The following GGA2 variants were observed in gnomAD, a reference collection of about 807,000 sequenced individuals.
GGA2 encodes ADP-ribosylation factor-binding protein GGA2.
GGA2 carries 48 observed loss-of-function variants against 79.5 expected under a neutral mutation model. The observed-to-expected ratio is 0.60, with a 90% CI of 0.48 to 0.77. GGA2 has a LOEUF of 0.77. Among genes scored for constraint, GGA2 ranks in the 30% least tolerant of loss-of-function variants. The pLI, the probability that GGA2 is intolerant of heterozygous loss-of-function variation, is 0.00. For missense variants in GGA2, 770 were observed against 774.0 expected, an observed-to-expected ratio of 0.99 and a Z score of 0.06; for synonymous variants, 317 against 302.0, an observed-to-expected ratio of 1.05 and a Z score of -0.51.
chr16:23,490,950 C>T (rs768423459), intron 5 of GGA2, among the ~76,000 whole-genome samples: 67 of 152,176 alleles, frequency 4.4e-4, no homozygotes, highest in Admixed American at 3.1e-3. Flanking sequence ...TGGTGGCTCA[C>T]GCCTGGGAGG....
chr16:23,494,155 A>C, intron 3 of GGA2, 148 bp downstream of exon 3: 1 of 645,188 alleles, frequency 1.5e-6, no homozygotes, highest in South Asian at 1.8e-5. Context: ...CCTGGCCCAG[A>C]TCTCCCTCCT....
intron 14 of GGA2, among the ~76,000 whole-genome samples, chr16:23,472,148 T>C (rs974523843): frequency 4.7e-5 from 7 of 149,332 alleles, no homozygotes; most frequent in African/African-American, 1.7e-4. Context: ...ATGTTCTTTG[T>C]AGCCCTGGCA....
chr16:23,486,605 C>T, intron 7 of GGA2, 105 bp downstream of exon 7: 1 of 782,206 alleles, frequency 1.3e-6, no homozygotes. Flanking sequence ...GCCACTCTTT[C>T]TCCCAGGCAA....
chr16:23,491,329 A>AC (rs71154215), intron 5 of GGA2, among the ~76,000 whole-genome samples: 4 of 149,530 alleles, frequency 2.7e-5, no homozygotes, highest in Admixed American at 6.7e-5. Flanking sequence ...AAAAAAAAAA[A>AC]CCAAAAGGTT....
chr16:23,480,877 GT>G, intron 9 of GGA2, 107 bp from the exon 10 acceptor site: 1 of 1,055,292 alleles, frequency 9.5e-7, no homozygotes, highest in Non-Finnish European at 1.4e-6. Context: ...ACTATGTTCA[GT>G]TTATCCACAC....
intron 7 of GGA2, among the ~76,000 whole-genome samples, chr16:23,486,490 G>A (rs1964714580): frequency 1.3e-5 from 2 of 152,178 alleles, no homozygotes. Flanking sequence ...TGAGCAGCAT[G>A]GATGAAAGCA....
chr16:23,514,091 G>A (rs909554921), upstream of GGA2, among the ~76,000 whole-genome samples: 1 of 151,832 alleles, frequency 6.6e-6, no homozygotes, highest in Non-Finnish European at 1.5e-5. Context: ...AAGCTCCCAT[G>A]TCAACATAAA....
chr16:23,508,469 T>C (rs942874623), intron 1 of GGA2, among the ~76,000 whole-genome samples: 1 of 152,180 alleles, frequency 6.6e-6, no homozygotes, highest in Non-Finnish European at 1.5e-5. Flanking sequence ...AAATAACTGG[T>C]TGGTTACCAA....
At chr16:23,491,433 A>G (rs190585536) in intron 5 of GGA2, among the ~76,000 whole-genome samples, 1 of 151,306 alleles carries the variant, frequency 6.6e-6, no homozygotes, top group East Asian at 2.0e-4. Flanking sequence ...GTGGTTTCCT[A>G]TGATTTCCAG....
chr16:23,511,451 G>A (rs180961600), upstream of GGA2, among the ~76,000 whole-genome samples: 55 of 150,926 alleles, frequency 3.6e-4, no homozygotes, highest in African/African-American at 1.3e-3. Context: ...GAGCCACCAC[G>A]CCCGGCCTAT....
rs1410632627 is a variant in GGA2, at chr16:23,463,643, A to G, written c.*3947T>C. 1.3e-5 allele frequency: 2 copies of G among 152,246 alleles called. No homozygotes were observed. Among genetic ancestry groups the G allele is most frequent in the East Asian group, 3.9e-4 (2 of 5,194 alleles). 9.4% of individuals were successfully genotyped at this position (152,246 alleles called of 1,614,324 possible). On this transcript the variant is annotated 3_prime_UTR_variant, in exon 17 of 17. Transcript: ENST00000309859. ...CTGACCCAAAGATTACCACTGTCAG[A>G]TGTGCACACAAACATCTTGGTGCAT...
Position 23,477,020 on chromosome 16 carries a change from T to A in GGA2, c.1292+1348A>T, listed in dbSNP as rs773493534. 7.2e-5 allele frequency among the ~76,000 whole-genome samples: 11 copies of A among 152,308 alleles called. No individual in the cohort carries two copies. In the East Asian group the frequency reaches 2.1e-3, roughly 29 times the overall value. On this transcript the variant is annotated intron_variant, in intron 13 of 16. Coordinates refer to ENST00000309859, the MANE Select transcript of GGA2 (RefSeq NM_015044.4). ...AGGCTGGAATGCAGTGGCATAGTAA[T>A]GGCTCACTGCAGCCTCGACTTTCCG...
intron 2 of GGA2, among the ~76,000 whole-genome samples, chr16:23,518,402 G>A (rs1195982356): frequency 2.6e-5 from 4 of 151,962 alleles, no homozygotes; most frequent in Non-Finnish European, 5.9e-5. Flanking sequence ...TAAAGATGGG[G>A]GGGTTTCACC....
At chr16:23,494,499 G>T in intron 2 of GGA2, 121 bp from the exon 3 acceptor site, 1 of 753,620 alleles carries the variant, frequency 1.3e-6, no homozygotes, top group Non-Finnish European at 2.4e-6. Context: ...CAGAGGTGGA[G>T]CGTGCCTGAC....
chr16:23,521,748 A>G (rs992423264), intron 1 of GGA2: 4 of 455,950 alleles, frequency 8.8e-6, no homozygotes, highest in Non-Finnish European at 1.8e-5. Flanking sequence ...GATATACCAG[A>G]ATCGACTTAG....
intron 10 of GGA2, 60 bp downstream of exon 10, chr16:23,480,585 T>C: frequency 6.7e-7 from 1 of 1,486,022 alleles, no homozygotes; most frequent in Non-Finnish European, 9.3e-7. Flanking sequence ...ACCCATTTCT[T>C]TTCTGGGAAT....
In GGA2 at chr16:23,482,926, G is replaced by C. The variant is rs1273177310; in HGVS notation, c.877C>G (p.Leu293Val). 1 of 1,596,462 alleles carries C rather than the reference G, an allele frequency of 6.3e-7. No homozygotes were observed. Among genetic ancestry groups the C allele is most frequent in the African/African-American group, 1.3e-5 (1 of 74,576 alleles). Residue 293 changes from leucine to valine, a missense_variant, in exon 9 of 17, where the codon CTC (leucine) becomes GTC (valine). Physicochemically the swap from Leu to Val is conservative, Grantham distance 32 (BLOSUM62 1). Coordinates refer to ENST00000309859, the MANE Select transcript of GGA2 (RefSeq NM_015044.4). The part of the protein sequence containing the change: ...ASDTTDDDDA[L>V]AEILQANDLL... ...CACCCAAGGAAAGAAAACTTACCGAGTGCATCATCGTCATCAGTGGTGTCA... is the reference window on the plus strand; with the variant it reads ...CACCCAAGGAAAGAAAACTTACCGACTGCATCATCGTCATCAGTGGTGTCA...
intron 1 of GGA2, among the ~76,000 whole-genome samples, chr16:23,505,499 A>G (rs1321895417): frequency 6.6e-6 from 1 of 152,158 alleles, no homozygotes; most frequent in Admixed American, 6.5e-5. Context: ...ACCAAAATAC[A>G]TGAAGTGGAA....
intron 1 of GGA2, among the ~76,000 whole-genome samples, chr16:23,497,799 G>A (rs1228509214): frequency 9.2e-5 from 14 of 152,110 alleles, no homozygotes; most frequent in South Asian, 8.3e-4. Context: ...TTAGTCACAT[G>A]TACTTGGACT....
Sources: allele counts gnomAD v4.1 joint callset (sites outside exome capture counted in the v4.1 genomes callset), GRCh38; gene constraint gnomAD v4.1.1; transcripts MANE v1.5; gene names NCBI Gene and HGNC (gene_info 2026-07-23, HGNC 2026-07-21).